Variants in HMCN1 observed in about 807,000 individuals in gnomAD.
HMCN1 encodes hemicentin 1.
Under a neutral mutation model 625.9 loss-of-function variants are expected in HMCN1, and 321 were observed. That is an observed-to-expected ratio of 0.51 (90% CI 0.47 to 0.56). HMCN1 has a LOEUF of 0.56. HMCN1 is among the 20% of genes least tolerant of loss of function. The pLI, the probability that HMCN1 is intolerant of heterozygous loss-of-function variation, is 0.00. For synonymous variants in HMCN1, 2,425 were observed against 2,417.6 expected (o/e 1.00, Z -0.09); for missense variants, 6,588 against 6,887.3 (o/e 0.96, Z 1.54).
At chr1:186,109,230 T>C (rs1404185899) in intron 71 of HMCN1, among the ~76,000 whole-genome samples, 2 of 152,192 alleles carry the variant, frequency 1.3e-5, no homozygotes, top group Non-Finnish European at 2.9e-5. Context: ...CATCCTCTTA[T>C]TGTAACCTAC....
intron 97 of HMCN1, among the ~76,000 whole-genome samples, chr1:186,157,495 T>G (rs543895204): frequency 6.6e-6 from 1 of 152,324 alleles, no homozygotes; most frequent in African/African-American, 2.4e-5. Flanking sequence ...GCAACTTTTT[T>G]TTTATTATAC....
intron 93 of HMCN1, among the ~76,000 whole-genome samples, chr1:186,147,580 C>A (rs934520024): frequency 6.6e-6 from 1 of 151,962 alleles, no homozygotes; most frequent in Admixed American, 6.6e-5. Context: ...TATTTCTCTC[C>A]AATATATAAT....
At chr1:185,961,151 A>G (rs1468854392) in intron 11 of HMCN1, among the ~76,000 whole-genome samples, 1 of 152,230 alleles carries the variant, frequency 6.6e-6, no homozygotes, top group East Asian at 1.9e-4. Context: ...GACAATTGTA[A>G]GCTGCTAGCA....
At chr1:186,093,002 C>A in intron 64 of HMCN1, 132 bp from the exon 65 acceptor site, 1 of 1,143,514 alleles carries the variant, frequency 8.7e-7, no homozygotes, top group Non-Finnish European at 1.3e-6. Flanking sequence ...ATATGAGACT[C>A]GCTACTGTAG....
chr1:186,134,402 ATTTAC>A (rs1229978534), intron 86 of HMCN1, among the ~76,000 whole-genome samples: 2 of 152,142 alleles, frequency 1.3e-5, no homozygotes, highest in Non-Finnish European at 2.9e-5. Context: ...AACCTGAGGT[ATTTAC>A]TTTATGCAGC....
chr1:186,169,689 G>T (rs925227689), intron 100 of HMCN1, among the ~76,000 whole-genome samples: 1 of 152,022 alleles, frequency 6.6e-6, no homozygotes, highest in East Asian at 1.9e-4. Flanking sequence ...CTCAAGATGG[G>T]TTACAGACTT....
At chr1:185,944,572 T>TTTC (rs1303831317) in intron 11 of HMCN1, among the ~76,000 whole-genome samples, 1 of 152,240 alleles carries the variant, frequency 6.6e-6, no homozygotes, top group East Asian at 1.9e-4. Flanking sequence ...CCACTCTTAC[T>TTTC]CCTCCTTTCT....
chr1:185,920,867 C>T (rs1666971516), intron 6 of HMCN1, among the ~76,000 whole-genome samples: 1 of 152,068 alleles, frequency 6.6e-6, no homozygotes, highest in Non-Finnish European at 1.5e-5. Flanking sequence ...AGGCAACTAA[C>T]AGTAATATAT....
At chr1:185,762,077 C>A (rs1488202171) in intron 1 of HMCN1, among the ~76,000 whole-genome samples, 1 of 152,044 alleles carries the variant, frequency 6.6e-6, no homozygotes, top group Non-Finnish European at 1.5e-5. Context: ...ATACTTTGTG[C>A]AATTTGCACT....
intron 4 of HMCN1, among the ~76,000 whole-genome samples, chr1:185,875,698 C>CTTTAA (rs1395990244): frequency 5.3e-5 from 8 of 151,906 alleles, no homozygotes; most frequent in Non-Finnish European, 7.4e-5. Flanking sequence ...TCTCTGCCTC[C>CTTTAA]TTTACTTTAC....
At chr1:185,749,787 T>G (rs1654671322) in intron 1 of HMCN1, among the ~76,000 whole-genome samples, 3 of 152,234 alleles carry the variant, frequency 2.0e-5, no homozygotes, top group African/African-American at 7.2e-5. Context: ...ATGAAAGAAA[T>G]GTCATTATTC....
chr1:185,840,444 A>C (rs1044076662), intron 1 of HMCN1, among the ~76,000 whole-genome samples: 1 of 152,176 alleles, frequency 6.6e-6, no homozygotes, highest in Non-Finnish European at 1.5e-5. Flanking sequence ...CATGAATGGC[A>C]TTTTGAGGAG....
intron 68 of HMCN1, among the ~76,000 whole-genome samples, chr1:186,097,762 A>G (rs1660201972): frequency 6.6e-6 from 1 of 152,174 alleles, no homozygotes; most frequent in African/African-American, 2.4e-5. Context: ...TTGAGTAAAA[A>G]GAACAAAGCT....
intron 5 of HMCN1, 40 bp downstream of exon 5, chr1:185,909,548 C>T: frequency 6.5e-7 from 1 of 1,533,752 alleles, no homozygotes; most frequent in South Asian, 1.1e-5. Context: ...ATACAAAATA[C>T]ATAGAGGGTA....
Position 185,778,273 on chromosome 1 carries a change from T to C in HMCN1, c.268+43226T>C, listed in dbSNP as rs573022608. On this transcript the variant is annotated intron_variant, in intron 1 of 106. Coordinates refer to ENST00000271588, the MANE Select transcript of HMCN1 (RefSeq NM_031935.3). The stretch of plus-strand genomic sequence containing the variant: ...GTTCACAGAGGTATGGGGACATCCA[T>C]AGATACCCTCTGTGTGTTTCTCTAT... Among the ~76,000 whole-genome samples, 47 of 152,270 alleles carry C rather than the reference T, an allele frequency of 3.1e-4. 1 individual carries two copies. Among genetic ancestry groups the C allele is most frequent in the African/African-American group, 1.1e-3 (44 of 41,554 alleles).
At position 186,145,883 on chromosome 1, in the gene HMCN1, C is replaced by T; in HGVS notation, c.14568C>T (p.Asp4856=). Residue 4856 remains aspartate, a synonymous_variant, in exon 93 of 107, where the codon GAC becomes GAT. Coordinates refer to ENST00000271588, the MANE Select transcript of HMCN1 (RefSeq NM_031935.3). ...AAGGTGGCCGTCCCTGTCCCGGAGACACTACTCAGGTGACCAGGTGCAATG... is the reference window on the plus strand; with the variant it reads ...AAGGTGGCCGTCCCTGTCCCGGAGATACTACTCAGGTGACCAGGTGCAATG... ...PVKGGRPCPG[D]TTQVTRCNVQ... is the part of the protein sequence containing the mutation. 1.2e-6 allele frequency: 2 copies of T among 1,614,020 alleles called. No homozygotes were observed. Among genetic ancestry groups the T allele is most frequent in the Non-Finnish European group, 1.7e-6 (2 of 1,179,982 alleles).
At chr1:185,947,573 C>T (rs1398103942) in intron 11 of HMCN1, among the ~76,000 whole-genome samples, 4 of 152,190 alleles carry the variant, frequency 2.6e-5, no homozygotes, top group Non-Finnish European at 5.9e-5. Flanking sequence ...TTCTCGTATT[C>T]CCATTGATGA....
At chr1:185,993,615 T>C (rs1652588989) in intron 23 of HMCN1, among the ~76,000 whole-genome samples, 1 of 152,152 alleles carries the variant, frequency 6.6e-6, no homozygotes, top group Non-Finnish European at 1.5e-5. Context: ...AAAATGTGTT[T>C]AAGCCGGTAG....
Position 186,055,385 on chromosome 1 carries a change from A to C in HMCN1, c.6863-8A>C, listed in dbSNP as rs1246208892. 6.2e-7 allele frequency: 1 copy of C among 1,611,956 alleles called. No homozygotes were observed. Among genetic ancestry groups the C allele is most frequent in the Non-Finnish European group, 8.5e-7 (1 of 1,178,610 alleles). On this transcript the variant is annotated splice_polypyrimidine_tract_variant and splice_region_variant and intron_variant, in intron 44 of 106. Transcript: ENST00000271588. Reference sequence around the variant, plus strand: ...TTTTGTTTCTTTTTATCTTCCTCCAACCCTCAGTTAGACCAACCATAACCA... The same window carrying C: ...TTTTGTTTCTTTTTATCTTCCTCCACCCCTCAGTTAGACCAACCATAACCA...
Sources: gnomAD v4.1 joint callset for allele counts (sites outside exome capture counted in the v4.1 genomes callset) on GRCh38, gnomAD v4.1.1 for gene constraint, MANE v1.5 for transcripts, NCBI Gene and HGNC (gene_info 2026-07-23, HGNC 2026-07-21) for gene names.